Variants in ADNP2 observed in about 807,000 individuals in gnomAD.
ADNP2 encodes ADNP homeobox 2.
ADNP2 carries 8 observed loss-of-function variants against 16.4 expected under a neutral mutation model. The observed-to-expected ratio is 0.49, with a 90% CI of 0.29 to 0.88. The LOEUF (loss-of-function observed/expected upper bound fraction) is 0.88, where lower values mean the gene tolerates loss of function less well. Among genes scored for constraint, ADNP2 ranks in the 40% least tolerant of loss-of-function variants. The probability of loss-of-function intolerance (pLI) is 0.09; values close to 1 mark genes in which losing one functional copy is unlikely to be tolerated. For missense variants in ADNP2, 1,397 were observed against 1,395.1 expected (o/e 1.00, Z -0.02); for synonymous variants, 637 against 545.8 (o/e 1.17, Z -2.33).
At position 80,137,420 on chromosome 18, in the gene ADNP2, T is replaced by G. The variant is rs1483739414; in HGVS notation, c.2007T>G (p.Ala669=). The part of the protein sequence containing the change: ...MPSPPVLVNA[A]QSVFVQASSS... ...CTCCTCCAGTGCTGGTGAATGCTGC[T>G]CAGAGCGTGTTTGTTCAGGCCTCCT... is the stretch of plus-strand genomic sequence containing the variant. The change falls in exon 4 of 4, where the codon GCT becomes GCG. Residue 669 remains alanine (A), a synonymous_variant. Transcript: ENST00000262198. This position sits in a 1 kb window ranked among gnomAD's most constrained non-coding sequence, Gnocchi z 4.2. 4.3e-6 allele frequency: 7 copies of G among 1,614,060 alleles called. No homozygotes were observed. The highest frequency in any genetic ancestry group is 2.7e-5 in the African/African-American group (2 of 74,930).
chr18:80,140,063 C>T lies in ADNP2; in HGVS notation c.*1254C>T, dbSNP rs2052571470. On this transcript the variant is annotated 3_prime_UTR_variant, in exon 4 of 4. Coordinates refer to ENST00000262198, the MANE Select transcript of ADNP2 (RefSeq NM_014913.4). Reference sequence around the variant, plus strand: ...CCAGTTTAGATGGTAAGTCATATTTCTGGTGGTACACAGCAGAGGAACCCC... The same window carrying T: ...CCAGTTTAGATGGTAAGTCATATTTTTGGTGGTACACAGCAGAGGAACCCC... 6.6e-6 allele frequency: 1 copy of T among 152,186 alleles called. No individual in the cohort carries two copies. Among genetic ancestry groups the T allele is most frequent in the Non-Finnish European group, 1.5e-5 (1 of 68,038 alleles). The allele number at this position is 152,186 out of a possible 1,614,324, so 9.4% of individuals were successfully genotyped here. A position where few individuals can be genotyped will look rare whatever the true frequency, so the allele number is the denominator to read the frequency against.
chr18:80,137,062 T>A lies in ADNP2; in HGVS notation c.1649T>A (p.Val550Glu), dbSNP rs764313059. ...GTTCTGCAGCTTAGTCAGCCTGTTG[T>A]GTCGGGAGTTCTTCCTGTGGGCCAG... ...SGVLQLSQPV[V>E]SGVLPVGQPV... The change falls in exon 4 of 4, where the codon GTG (valine) becomes GAG (glutamate). Residue 550 changes from valine to glutamate, a missense_variant. By Grantham distance (121) the Val-to-Glu change is moderately radical. Transcript: ENST00000262198. This position sits in a 1 kb window ranked among gnomAD's most constrained non-coding sequence, Gnocchi z 4.2. The A allele has an allele frequency of 1.5e-5, 24 of 1,613,906 alleles. No individual in the cohort carries two copies.
chr18:80,119,943 A>G (rs1021991415), intron 2 of ADNP2, among the ~76,000 whole-genome samples: 40 of 152,140 alleles, frequency 2.6e-4, no homozygotes, highest in Non-Finnish European at 7.3e-5. Flanking sequence ...CCAGCCCCCA[A>G]CTTGGGACTA....
At chr18:80,132,830 C>T (rs944363543) in intron 2 of ADNP2, among the ~76,000 whole-genome samples, 1 of 152,070 alleles carries the variant, frequency 6.6e-6, no homozygotes, top group Non-Finnish European at 1.5e-5. Context: ...AGCAATTCTC[C>T]TGCCTCAGCC....
At chr18:80,125,458 A>T (rs986122010) in intron 2 of ADNP2, among the ~76,000 whole-genome samples, 6 of 152,192 alleles carry the variant, frequency 3.9e-5, no homozygotes, top group Non-Finnish European at 8.8e-5. Flanking sequence ...TCTGGCTAAC[A>T]TGGTGCAACC....
At chr18:80,129,548 G>A (rs148625953) in intron 2 of ADNP2, among the ~76,000 whole-genome samples, 112 of 152,244 alleles carry the variant, frequency 7.4e-4, no homozygotes, top group African/African-American at 2.6e-3. Flanking sequence ...TTCCAGATGT[G>A]TCTGGTACTT....
At position 80,136,459 on chromosome 18, in the gene ADNP2, C is replaced by T. The variant is rs1405535104; in HGVS notation, c.1046C>T (p.Pro349Leu). ...PVGQNSLTLQ[P>L]PAPQPVFLSH... ...GGCCAGAACAGCCTCACCCTGCAGC[C>T]CCCAGCACCTCAGCCCGTCTTTCTT... The change falls in exon 4 of 4, where the codon CCC becomes CTC. Residue 349 changes from proline (P) to leucine (L), a missense_variant. Physicochemically the swap from Pro to Leu is moderately conservative, Grantham distance 98. Transcript: ENST00000262198. 4 of 1,613,934 alleles carry T rather than the reference C, an allele frequency of 2.5e-6. No individual in the cohort carries two copies. In the Admixed American group the frequency reaches 6.7e-5, roughly 27 times the overall value.
chr18:80,135,989 G>C lies in ADNP2; in HGVS notation c.576G>C (p.Glu192Asp), dbSNP rs2052530201. ...LINSYFGLRT[E>D]EMGEQPKTND... ...ACTCCTACTTTGGCCTAAGAACTGAGGAAATGGGTGAGCAACCGAAAACTA... is the reference window on the plus strand; with the variant it reads ...ACTCCTACTTTGGCCTAAGAACTGACGAAATGGGTGAGCAACCGAAAACTA... Residue 192 changes from glutamate (E) to aspartate (D), a missense_variant, in exon 4 of 4, where the codon GAG (glutamate) becomes GAC (aspartate). Coordinates refer to ENST00000262198, the MANE Select transcript of ADNP2 (RefSeq NM_014913.4). 1 of 1,614,068 alleles carries C rather than the reference G, an allele frequency of 6.2e-7. No individual in the cohort carries two copies. The highest frequency in any genetic ancestry group is 1.7e-5 in the Admixed American group (1 of 59,996).
intron 2 of ADNP2, among the ~76,000 whole-genome samples, chr18:80,127,427 G>GGCA (rs781506330): frequency 4.2e-4 from 58 of 136,998 alleles, no homozygotes; most frequent in Non-Finnish European, 7.4e-4. Flanking sequence ...TCTTTTCTTC[G>GGCA]GCAGCATCTA....
chr18:80,127,002 C>T (rs761630928), intron 2 of ADNP2, among the ~76,000 whole-genome samples: 2 of 152,172 alleles, frequency 1.3e-5, no homozygotes, highest in Non-Finnish European at 2.9e-5. Context: ...TCGCATGCCA[C>T]CACAAGAAGG....
Position 80,138,717 on chromosome 18 carries a change from A to G in ADNP2, c.3304A>G (p.Ile1102Val). 6.2e-7 allele frequency: 1 copy of G among 1,609,660 alleles called. No homozygotes were observed. The highest frequency in any genetic ancestry group is 8.5e-7 in the Non-Finnish European group (1 of 1,179,040). Residue 1102 changes from isoleucine (I) to valine (V), a missense_variant, in exon 4 of 4, where the codon ATA (isoleucine) becomes GTA (valine). Ile to Val is a conservative substitution (Grantham distance 29, BLOSUM62 3). Around this residue, in one of 3 missense-constraint regions of ADNP2, gnomAD observed 611 missense variants for 648.7 expected, o/e 0.94. Coordinates refer to ENST00000262198, the MANE Select transcript of ADNP2 (RefSeq NM_014913.4). ...AAGAAGGTATATTTGCATGAAAGCA[A>G]TAAAAAATCACAAGCCTTCTGTACT... ...GKRRYICMKA[I>V]KNHKPSVLLG... is the part of the protein sequence containing the mutation.
intron 1 of ADNP2, chr18:80,110,154 A>G (rs929746310): frequency 6.6e-6 from 1 of 152,198 alleles, no homozygotes; most frequent in South Asian, 2.1e-4. Flanking sequence ...ATTGATATAC[A>G]GATGTTGACT....
chr18:80,125,735 C>T (rs2052454444), intron 2 of ADNP2, among the ~76,000 whole-genome samples: 1 of 152,064 alleles, frequency 6.6e-6, no homozygotes, highest in East Asian at 1.9e-4. Flanking sequence ...CCCTTGAGCC[C>T]AGGAGTTCAA....
intron 2 of ADNP2, 24 bp from the exon 3 acceptor site, chr18:80,133,079 C>A: frequency 6.8e-7 from 1 of 1,466,280 alleles, no homozygotes; most frequent in East Asian, 2.3e-5. Flanking sequence ...TACATAATCT[C>A]TTTTTTTTCT....
chr18:80,121,702 T>G (rs1311247448), intron 2 of ADNP2, among the ~76,000 whole-genome samples: 4 of 152,198 alleles, frequency 2.6e-5, no homozygotes, highest in African/African-American at 9.7e-5. Context: ...TTGAGTTAAT[T>G]CTTATATATT....
chr18:80,129,105 G>GTT (rs753934297), intron 2 of ADNP2, among the ~76,000 whole-genome samples: 1,429 of 81,396 alleles, frequency 0.018, 42 homozygotes, highest in African/African-American at 0.045. Context: ...CTTTTTTTTT[G>GTT]TTTTTTTTTT....
In ADNP2 at chr18:80,136,646, C is replaced by G. The variant is rs2052537611; in HGVS notation, c.1233C>G (p.Asn411Lys). ...LPLTQPVGPI[N>K]RPVGPGVLPV... ...TCACCCAGCCTGTGGGACCCATAAA[C>G]AGACCTGTTGGGCCTGGTGTTCTTC... Residue 411 changes from asparagine to lysine, a missense_variant, in exon 4 of 4, where the codon AAC (asparagine) becomes AAG (lysine). Around this residue, in one of 3 missense-constraint regions of ADNP2, gnomAD observed 777 missense variants for 719.4 expected, o/e 1.08. Coordinates refer to ENST00000262198, the MANE Select transcript of ADNP2 (RefSeq NM_014913.4). 2.5e-6 allele frequency: 4 copies of G among 1,614,006 alleles called. No individual in the cohort carries two copies. Among genetic ancestry groups the G allele is most frequent in the Non-Finnish European group, 2.5e-6 (3 of 1,179,908 alleles).
intron 1 of ADNP2, among the ~76,000 whole-genome samples, chr18:80,116,074 G>C (rs530187908): frequency 6.6e-5 from 10 of 152,302 alleles, no homozygotes; most frequent in African/African-American, 2.4e-4. Flanking sequence ...CCACTGTTGT[G>C]CTTTCTATGG....
intron 1 of ADNP2, 24 bp from the exon 2 acceptor site, chr18:80,117,506 A>G (rs1452656507): frequency 6.9e-7 from 1 of 1,456,880 alleles, no homozygotes; most frequent in Non-Finnish European, 9.4e-7. Context: ...TACTTATTAC[A>G]GTTTTGTTTT....
Sources: allele counts gnomAD v4.1 joint callset (sites outside exome capture counted in the v4.1 genomes callset), GRCh38; gene constraint gnomAD v4.1.1; regional missense constraint gnomAD v4.1.1; non-coding constraint Gnocchi (gnomAD v3.1); transcripts MANE v1.5; gene names NCBI Gene and HGNC (gene_info 2026-07-23, HGNC 2026-07-21).